Variants in CYBC1 observed in about 807,000 individuals in gnomAD.
CYBC1 encodes essential for reactive oxygen species protein.
CYBC1 carries 22 observed loss-of-function variants against 21.7 expected under a neutral mutation model. The observed-to-expected ratio is 1.02, with a 90% CI of 0.73 to 1.45. CYBC1 has a LOEUF of 1.45. Ranked by LOEUF, CYBC1 falls within the 40% of genes most tolerant of loss-of-function variation. The pLI, the probability that CYBC1 is intolerant of heterozygous loss-of-function variation, is 0.00. For synonymous variants in CYBC1, 112 were observed against 98.7 expected, an observed-to-expected ratio of 1.13 and a Z score of -0.80; for missense variants, 237 against 242.1, an observed-to-expected ratio of 0.98 and a Z score of 0.14.
chr17:82,442,937 G>A lies in CYBC1; in HGVS notation c.*1067C>T, dbSNP rs916475653. The A allele has an allele frequency of 8.3e-6, 2 of 241,616 alleles. No individual in the cohort carries two copies. Among genetic ancestry groups the A allele is most frequent in the Non-Finnish European group, 1.6e-5 (2 of 123,964 alleles). The allele number at this position is 241,616 out of a possible 1,614,324, so 15.0% of individuals were successfully genotyped here. ...ACTCAGGAGACCAAGAGCACTGGCGGGTCAGGATGGTTGGCGTTCAGCTCC... is the reference window on the plus strand; with the variant it reads ...ACTCAGGAGACCAAGAGCACTGGCGAGTCAGGATGGTTGGCGTTCAGCTCC... On this transcript the variant is annotated 3_prime_UTR_variant, in exon 7 of 7. Transcript: ENST00000306645. The surrounding 1 kb of genome is among the most constrained non-coding windows in gnomAD (Gnocchi z 6.8).
rs1474738131 is a variant in CYBC1, at chr17:82,444,532, A to G, written c.358T>C (p.Phe120Leu). Residue 120 changes from phenylalanine to leucine, a missense_variant, in exon 6 of 7, where the codon TTC (phenylalanine) becomes CTC (leucine). Phe to Leu is a conservative substitution (Grantham distance 22). Transcript: ENST00000306645. The stretch of plus-strand genomic sequence containing the variant: ...AGCACCACCATGTAGCCTTTCCCGA[A>G]GTACCGGACCTTCTCCTCCTCCACG... Reference protein sequence around the residue: ...VSVEEEKVRYFGKGYMVVLRL... With the variant: ...VSVEEEKVRYLGKGYMVVLRL... The G allele has an allele frequency of 1.9e-6, 3 of 1,614,060 alleles. No homozygotes were observed. Among genetic ancestry groups the G allele is most frequent in the Non-Finnish European group, 2.5e-6 (3 of 1,179,984 alleles).
intron 5 of CYBC1, chr17:82,445,451 T>C (rs944777024): frequency 1.1e-5 from 2 of 176,894 alleles, no homozygotes; most frequent in African/African-American, 4.8e-5. Context: ...CCCTGCCCCG[T>C]CCTGTGACCT....
At chr17:82,446,582 G>C (rs758804089) in intron 4 of CYBC1, 41 bp downstream of exon 4, 13 of 1,600,552 alleles carry the variant, frequency 8.1e-6, no homozygotes, top group Non-Finnish European at 1.0e-5. Context: ...CCCAGGAGCT[G>C]AACAGCCCTG....
At chr17:82,446,995 G>T in intron 3 of CYBC1, 1 of 487,412 alleles carries the variant, frequency 2.1e-6, no homozygotes, top group Middle Eastern at 5.4e-4. Context: ...CCCACAGCTG[G>T]ATCTTAGATC....
Position 82,446,604 on chromosome 17 carries a change from G to T in CYBC1, c.201+19C>A. On this transcript the variant is annotated intron_variant, in intron 4 of 6. Transcript: ENST00000306645. ...GCTGAACAGCCCTGGACTCTGTCCC[G>T]CACCCGAGCCGGCCTTACCTCCCAG... 6.2e-7 allele frequency: 1 copy of T among 1,613,098 alleles called. No homozygotes were observed. Among genetic ancestry groups the T allele is most frequent in the Non-Finnish European group, 8.5e-7 (1 of 1,179,278 alleles).
chr17:82,447,504 GAC>G, intron 3 of CYBC1, 74 bp downstream of exon 3: 2 of 1,104,032 alleles, frequency 1.8e-6, no homozygotes, highest in Non-Finnish European at 2.5e-6. Flanking sequence ...AGTCACAAAT[GAC>G]AGTTTTTCCT....
At position 82,446,450 on chromosome 17, in the gene CYBC1, G is replaced by T. The variant is rs11077994; in HGVS notation, c.201+173C>A. 0.42 allele frequency among the ~76,000 whole-genome samples: 63,587 copies of T among 152,050 alleles called. 13,905 individuals are homozygous for T. Among genetic ancestry groups the T allele is most frequent in the East Asian group, 0.69 (3,535 of 5,150 alleles). Reference sequence around the variant, plus strand: ...AATTCCTTGGCCAAGAACGGTCCCAGATGAGTGCAGGGGCCATGTCCTGAT... The same window carrying T: ...AATTCCTTGGCCAAGAACGGTCCCATATGAGTGCAGGGGCCATGTCCTGAT... On this transcript the variant is annotated intron_variant, in intron 4 of 6. Transcript: ENST00000306645.
Position 82,443,850 on chromosome 17 carries a change from A to G in CYBC1, c.*154T>C. On this transcript the variant is annotated 3_prime_UTR_variant, in exon 7 of 7. Coordinates refer to ENST00000306645, the MANE Select transcript of CYBC1 (RefSeq NM_001033046.4). This position sits in a 1 kb window ranked among gnomAD's most constrained non-coding sequence, Gnocchi z 6.7. The stretch of plus-strand genomic sequence containing the variant: ...GTGGGCGGTGCACGGGCTCAGGCAC[A>G]CCGGGAATGTGCCACGGGTCCTGTG... 1 of 583,874 alleles carries G rather than the reference A, an allele frequency of 1.7e-6. No homozygotes were observed. The highest frequency in any genetic ancestry group is 2.0e-5 in the South Asian group (1 of 49,764). The allele number at this position is 583,874 out of a possible 1,614,324, so 36.2% of individuals were successfully genotyped here.
rs775580212 is a variant in CYBC1 at position 82,443,998 on chromosome 17, G to C, written c.*6C>G. On this transcript the variant is annotated 3_prime_UTR_variant, in exon 7 of 7. Coordinates refer to ENST00000306645, the MANE Select transcript of CYBC1 (RefSeq NM_001033046.4). The surrounding 1 kb of genome is among the most constrained non-coding windows in gnomAD (Gnocchi z 6.7). ...GCGGTGCACGGGCTCAGGCACAGTG[G>C]GGCTGTCAGCTCTGGCTTGCAGGGT... is the stretch of plus-strand genomic sequence containing the variant. The C allele has an allele frequency of 1.2e-6, 2 of 1,612,056 alleles. No homozygotes were observed. Among genetic ancestry groups the C allele is most frequent in the Non-Finnish European group, 1.7e-6 (2 of 1,179,980 alleles).
Position 82,446,672 on chromosome 17 carries a change from T to C in CYBC1, c.152A>G (p.Tyr51Cys), listed in dbSNP as rs1389366087. The change falls in exon 4 of 7, where the codon TAC becomes TGC. Residue 51 changes from tyrosine (Y) to cysteine (C), a missense_variant. Coordinates refer to ENST00000306645, the MANE Select transcript of CYBC1 (RefSeq NM_001033046.4). ...AGCCACAAACAGGCAGCCTGTGACG[T>C]AGAAGAGCTTCCAGCCCAGGCTATC... is the stretch of plus-strand genomic sequence containing the variant. ...SGDSLGWKLF[Y>C]VTGCLFVAVQ... 5.0e-6 allele frequency: 8 copies of C among 1,613,956 alleles called. No homozygotes were observed. Among genetic ancestry groups the C allele is most frequent in the East Asian group, 2.2e-5 (1 of 44,898 alleles).
At chr17:82,446,902 T>C (rs2143729233) in intron 3 of CYBC1, 1 of 594,308 alleles carries the variant, frequency 1.7e-6, no homozygotes, top group African/African-American at 1.9e-5. Flanking sequence ...AGAGTCCACG[T>C]GAGAGAGGCA....
intron 4 of CYBC1, among the ~76,000 whole-genome samples, chr17:82,446,274 G>A (rs1181832705): frequency 1.3e-5 from 2 of 152,220 alleles, no homozygotes; most frequent in African/African-American, 4.8e-5. Context: ...GGGCAGCACT[G>A]GGCCAGGCTG....
chr17:82,445,429 T>C, intron 5 of CYBC1: 1 of 166,588 alleles, frequency 6.0e-6, no homozygotes, highest in Non-Finnish European at 1.3e-5. Context: ...GCCCACGGGC[T>C]GCCATGGCTC....
Position 82,442,753 on chromosome 17 carries a change from G to A in CYBC1, c.*1251C>T, listed in dbSNP as rs550479122. Reference sequence around the variant, plus strand: ...CTCTCTCCTGTCGGCTTTCACCGAGGTCACAGCCAGACGTGGGGCAAAGGT... The same window carrying A: ...CTCTCTCCTGTCGGCTTTCACCGAGATCACAGCCAGACGTGGGGCAAAGGT... On this transcript the variant is annotated 3_prime_UTR_variant, in exon 7 of 7. Coordinates refer to ENST00000306645, the MANE Select transcript of CYBC1 (RefSeq NM_001033046.4). This position sits in a 1 kb window ranked among gnomAD's most constrained non-coding sequence, Gnocchi z 6.8. The A allele has an allele frequency of 3.7e-4, 251 of 687,574 alleles. No homozygotes were observed. The African/African-American group carries it at 4.2e-3, about 12-fold the overall frequency. The allele number at this position is 687,574 out of a possible 1,614,324, so 42.6% of individuals were successfully genotyped here. A position where few individuals can be genotyped will look rare whatever the true frequency, so the allele number is the denominator to read the frequency against.
chr17:82,444,255 TC>T (rs1031865843), intron 6 of CYBC1, 131 bp from the exon 7 acceptor site: 3 of 1,455,714 alleles, frequency 2.1e-6, no homozygotes, highest in Non-Finnish European at 2.8e-6. Flanking sequence ...ACCCAGCACT[TC>T]CTGGCCTGCT....
rs1291759701 is a variant in CYBC1 at position 82,444,562 on chromosome 17, C to CA, written c.327dup (p.Val110CysfsTer40). 5 of 1,612,826 alleles carry CA rather than the reference C, an allele frequency of 3.1e-6. No individual in the cohort carries two copies. In the South Asian group the frequency reaches 5.5e-5, roughly 18 times the overall value. ...CGGACCTTCTCCTCCTCCACGCTCA[C>CA]ATCACGGACATCATGGAGCAGGACC... On this transcript the variant is annotated frameshift_variant, in exon 6 of 7. Coordinates refer to ENST00000306645, the MANE Select transcript of CYBC1 (RefSeq NM_001033046.4). LOFTEE classifies it high-confidence loss of function.
rs1209390816 is a variant in CYBC1 at position 82,445,943 on chromosome 17, C to G, written c.219G>C (p.Lys73Asn). 2.5e-6 allele frequency: 4 copies of G among 1,613,666 alleles called. No individual in the cohort carries two copies. In the African/African-American group the frequency reaches 5.3e-5, roughly 22 times the overall value. Residue 73 changes from lysine to asparagine, a missense_variant, in exon 5 of 7, where the codon AAG becomes AAC. Coordinates refer to ENST00000306645, the MANE Select transcript of CYBC1 (RefSeq NM_001033046.4). The stretch of plus-strand genomic sequence containing the variant: ...TCTTCAAAACAACCTTCCCTGTGCT[C>G]TTGTCGAAGATGGCTTCCTGGAAAC... ...LEDWEEAIFD[K>N]STGKVVLKTF...
At position 82,444,529 on chromosome 17, in the gene CYBC1, C is replaced by T. The variant is rs760113930; in HGVS notation, c.361G>A (p.Gly121Arg). ...CGGAGCACCACCATGTAGCCTTTCC[C>T]GAAGTACCGGACCTTCTCCTCCTCC... ...SVEEEKVRYFGKGYMVVLRLA... is the reference protein window; with the variant it reads ...SVEEEKVRYFRKGYMVVLRLA... The change falls in exon 6 of 7, where the codon GGG becomes AGG. Residue 121 changes from glycine to arginine, a missense_variant. Transcript: ENST00000306645. 6.2e-6 allele frequency: 10 copies of T among 1,613,776 alleles called. No individual in the cohort carries two copies. Among genetic ancestry groups the T allele is most frequent in the East Asian group, 2.2e-5 (1 of 44,884 alleles).
In CYBC1 at chr17:82,450,711, C is replaced by G. The variant is rs770665920; in HGVS notation, c.-50G>C. The G allele has an allele frequency of 6.6e-6, 1 of 152,274 alleles. No homozygotes were observed. Among genetic ancestry groups the G allele is most frequent in the South Asian group, 2.1e-4 (1 of 4,840 alleles). 9.4% of individuals were successfully genotyped at this position (152,274 alleles called of 1,614,324 possible). Reference sequence around the variant, plus strand: ...GCCCAGCCGCCTACCGAGAGCACAGCGGTCCCCGCGCCGCAGCAGAGAGAC... The same window carrying G: ...GCCCAGCCGCCTACCGAGAGCACAGGGGTCCCCGCGCCGCAGCAGAGAGAC... On this transcript the variant is annotated 5_prime_UTR_variant, in exon 1 of 7. Coordinates refer to ENST00000306645, the MANE Select transcript of CYBC1 (RefSeq NM_001033046.4).
Sources: allele counts gnomAD v4.1 joint callset (sites outside exome capture counted in the v4.1 genomes callset), GRCh38; gene constraint gnomAD v4.1.1; non-coding constraint Gnocchi (gnomAD v3.1); transcripts MANE v1.5; gene names NCBI Gene and HGNC (gene_info 2026-07-23, HGNC 2026-07-21).